Variants in ADCY5 observed in about 807,000 individuals in gnomAD.
ADCY5 encodes the protein adenylate cyclase type 5.
ADCY5 carries 30 observed loss-of-function variants against 119.7 expected under a neutral mutation model. The ratio of observed to expected loss-of-function variants is 0.25; its 90% CI spans 0.19 to 0.34. The LOEUF (loss-of-function observed/expected upper bound fraction) is 0.34. Ranked by LOEUF, ADCY5 falls within the 10% of genes least tolerant of loss-of-function variation. The pLI is 1.00. For missense variants in ADCY5, 1,324 were observed against 1,775.2 expected (o/e 0.75, Z 4.57); for synonymous variants, 753 against 762.2 (o/e 0.99, Z 0.20).
chr3:123,373,837 C>G (rs1013517199), intron 1 of ADCY5, among the ~76,000 whole-genome samples: 1 of 144,990 alleles, frequency 6.9e-6, no homozygotes, highest in African/African-American at 2.5e-5. Context: ...GAGCTTTACT[C>G]CCATTTCTAC....
chr3:123,383,742 T>C (rs921765632), intron 1 of ADCY5, among the ~76,000 whole-genome samples: 36 of 151,766 alleles, frequency 2.4e-4, no homozygotes, highest in African/African-American at 8.7e-4. Context: ...GAAAGGAAAA[T>C]GTACACAAGC....
intron 1 of ADCY5, among the ~76,000 whole-genome samples, chr3:123,359,884 C>T (rs896259442): frequency 1.3e-5 from 2 of 152,180 alleles, no homozygotes; most frequent in Non-Finnish European, 2.9e-5. Flanking sequence ...CTTCCTCCTA[C>T]ACTGGATTTC....
chr3:123,437,628 G>A (rs563226785), intron 1 of ADCY5, among the ~76,000 whole-genome samples: 8 of 152,312 alleles, frequency 5.3e-5, no homozygotes, highest in African/African-American at 1.9e-4. Context: ...CAGGTTTGCA[G>A]TAAAGACTCA....
chr3:123,313,439 G>T (rs1005917552), intron 12 of ADCY5, among the ~76,000 whole-genome samples: 1 of 152,148 alleles, frequency 6.6e-6, no homozygotes, highest in Non-Finnish European at 1.5e-5. Context: ...GGGAGGAGTC[G>T]GAGAGGCTCA....
rs1553749008 is a variant in ADCY5 at position 123,426,316 on chromosome 3, T to TTTG, written c.1134+21095_1134+21096insCAA. Among the ~76,000 whole-genome samples the TTTG allele has an allele frequency of 7.0e-3, 1,016 of 145,796 alleles. 14 individuals are homozygous for TTTG. The highest frequency in any genetic ancestry group is 0.025 in the African/African-American group (967 of 38,468). On this transcript the variant is annotated intron_variant, in intron 1 of 20. Coordinates refer to ENST00000462833, the MANE Select transcript of ADCY5 (RefSeq NM_183357.3). ...TCTTTTGTGTTTTTTTTTTGTTTGT[T>TTTG]TTTGTTTGTTTGTTTGTTTGTTTTT... is the stretch of plus-strand genomic sequence containing the variant.
intron 1 of ADCY5, among the ~76,000 whole-genome samples, chr3:123,359,331 A>AATATATATATTTATATATATATATATAT (rs1943155377): frequency 9.1e-6 from 1 of 109,766 alleles, no homozygotes; most frequent in Non-Finnish European, 1.8e-5. Context: ...CTTATACTAA[A>AATATATATATTTATATATATATATATAT]ATATATATAT....
Position 123,352,546 on chromosome 3 carries a change from G to C in ADCY5, c.1170C>G (p.Asn390Lys), listed in dbSNP as rs149674756. 3 of 1,613,538 alleles carry C rather than the reference G, an allele frequency of 1.9e-6. No individual in the cohort carries two copies. The highest frequency in any genetic ancestry group is 2.5e-6 in the Non-Finnish European group (3 of 1,179,710). ...GATAGTGGGTGCAGACACCCACGATGTTGGTGCAGGAGAAAATGAGAACAT... is the reference window on the plus strand; with the variant it reads ...GATAGTGGGTGCAGACACCCACGATCTTGGTGCAGGAGAAAATGAGAACAT... ...VSNVLIFSCTNIVGVCTHYPA... is the reference protein window; with the variant it reads ...VSNVLIFSCTKIVGVCTHYPA... The change falls in exon 2 of 21, where the codon AAC becomes AAG. Residue 390 changes from asparagine to lysine, a missense_variant. Around this residue, in one of 6 missense-constraint regions of ADCY5, gnomAD observed 123 missense variants for 287.9 expected, o/e 0.43. Transcript: ENST00000462833. This position sits in a 1 kb window ranked among gnomAD's most constrained non-coding sequence, Gnocchi z 4.8.
chr3:123,413,785 T>C (rs17295582), intron 1 of ADCY5, among the ~76,000 whole-genome samples: 37,060 of 152,002 alleles, frequency 0.24, 5,364 homozygotes, highest in Middle Eastern at 0.41. Flanking sequence ...CTGACCATGT[T>C]GGGTGCAAGA....
At chr3:123,381,321 GGAA>G (rs1009200894) in intron 1 of ADCY5, among the ~76,000 whole-genome samples, 1 of 152,188 alleles carries the variant, frequency 6.6e-6, no homozygotes, top group Non-Finnish European at 1.5e-5. Flanking sequence ...CCATTCTCCT[GGAA>G]GTCTTTACCT....
At position 123,325,489 on chromosome 3, in the gene ADCY5, G is replaced by GA. The variant is rs112811518; in HGVS notation, c.1948-28dup. ...TGGAAGACGAACACAGAGATGGGGG[G>GA]AGATGAGGAGTCCAAGCGGAGGGCT... On this transcript the variant is annotated intron_variant, in intron 7 of 20. Coordinates refer to ENST00000462833, the MANE Select transcript of ADCY5 (RefSeq NM_183357.3). 22,113 of 1,613,776 alleles carry GA rather than the reference G, an allele frequency of 0.014. 2,318 individuals are homozygous for GA. The African/African-American group carries it at 0.24, about 18-fold the overall frequency.
chr3:123,342,399 G>A (rs1268590538), intron 3 of ADCY5, among the ~76,000 whole-genome samples: 3 of 152,192 alleles, frequency 2.0e-5, no homozygotes, highest in Admixed American at 2.0e-4. Context: ...GGGAAAGACT[G>A]AGGAGACAGG....
intron 1 of ADCY5, among the ~76,000 whole-genome samples, chr3:123,415,306 G>T (rs1301974270): frequency 6.6e-6 from 1 of 152,224 alleles, no homozygotes; most frequent in Non-Finnish European, 1.5e-5. Context: ...CGGACAGAGG[G>T]TTATCCAGCC....
chr3:123,355,494 T>C (rs536827391), intron 1 of ADCY5, among the ~76,000 whole-genome samples: 13 of 152,178 alleles, frequency 8.5e-5, no homozygotes, highest in Non-Finnish European at 1.6e-4. Flanking sequence ...AACTGTACTA[T>C]GACATTTTAT....
intron 1 of ADCY5, among the ~76,000 whole-genome samples, chr3:123,406,864 T>A (rs9851257): frequency 0.33 from 49,858 of 151,872 alleles, 8,442 homozygotes; most frequent in East Asian, 0.44. Context: ...CGCCACTGCC[T>A]TCCTTGGCCA....
At chr3:123,434,408 G>A (rs2107648508) in intron 1 of ADCY5, among the ~76,000 whole-genome samples, 1 of 152,266 alleles carries the variant, frequency 6.6e-6, no homozygotes. Context: ...GTGTATACAG[G>A]AGAGAAAAAG....
rs1576704530 is a variant in ADCY5, at chr3:123,448,105, G to C, written c.441C>G (p.Gly147=). 2 of 1,138,538 alleles carry C rather than the reference G, an allele frequency of 1.8e-6. No individual in the cohort carries two copies. The highest frequency in any genetic ancestry group is 2.1e-6 in the Non-Finnish European group (2 of 931,240). The allele number at this position is 1,138,538 out of a possible 1,614,324, so 70.5% of individuals were successfully genotyped here. The change falls in exon 1 of 21, where the codon GGC becomes GGG. Residue 147 remains glycine (G), a synonymous_variant. Transcript: ENST00000462833. The stretch of plus-strand genomic sequence containing the variant: ...CCGAGCGAGGGCGCACCTCCGTCCC[G>C]CCCGCCGAGGCAGCCGCCGCCGCCG... ...GGSAAAAASA[G]GTEVRPRSVE...
intron 1 of ADCY5, among the ~76,000 whole-genome samples, chr3:123,405,674 G>A (rs1267530859): frequency 2.0e-5 from 3 of 151,658 alleles, no homozygotes; most frequent in Admixed American, 6.6e-5. Context: ...TCGCTTTGTC[G>A]TCCAGGCCAG....
chr3:123,410,341 T>C (rs116972476), intron 1 of ADCY5, among the ~76,000 whole-genome samples: 1 of 145,652 alleles, frequency 6.9e-6, no homozygotes, highest in Admixed American at 6.8e-5. Flanking sequence ...CCAACCCTTA[T>C]CCCCCAATTC....
At chr3:123,426,299 G>GTTTTTTTTTTTTTTTTTTTTT (rs750760543) in intron 1 of ADCY5, among the ~76,000 whole-genome samples, 2 of 97,988 alleles carry the variant, frequency 2.0e-5, no homozygotes, top group African/African-American at 3.4e-5. Flanking sequence ...TTTCTTTTGT[G>GTTTTTTTTTTTTTTTTTTTTT]TTTTTTTTTT....
Sources: allele counts gnomAD v4.1 joint callset (sites outside exome capture counted in the v4.1 genomes callset), GRCh38; gene constraint gnomAD v4.1.1; regional missense constraint gnomAD v4.1.1; non-coding constraint Gnocchi (gnomAD v3.1); transcripts MANE v1.5; gene names NCBI Gene and HGNC (gene_info 2026-07-23, HGNC 2026-07-21).